SIL1: variants seen among roughly 807,000 people sequenced by gnomAD.
The protein encoded by SIL1 is SIL1 nucleotide exchange factor, also known as nucleotide exchange factor SIL1.
Under a neutral mutation model 49.1 loss-of-function variants are expected in SIL1, and 40 were observed. That is an observed-to-expected ratio of 0.81 (90% CI 0.63 to 1.06). SIL1 has a LOEUF of 1.06. SIL1 is among the 50% of genes least tolerant of loss of function. The pLI, the probability that SIL1 is intolerant of heterozygous loss-of-function variation, is 0.00. For synonymous variants in SIL1, 253 were observed against 250.8 expected (o/e 1.01, Z -0.08); for missense variants, 500 against 572.6 (o/e 0.87, Z 1.29).
At chr5:139,194,774 T>C (rs1752233914) in intron 1 of SIL1, among the ~76,000 whole-genome samples, 1 of 152,156 alleles carries the variant, frequency 6.6e-6, no homozygotes, top group African/African-American at 2.4e-5. Flanking sequence ...TACAAGAGAC[T>C]GGCAGACAGC....
chr5:139,118,786 C>T (rs553294787), intron 3 of SIL1, among the ~76,000 whole-genome samples: 2 of 152,326 alleles, frequency 1.3e-5, no homozygotes, highest in African/African-American at 4.8e-5. Context: ...GGTCAGTTTC[C>T]TAACAGTATA....
chr5:139,171,002 G>A (rs1475986687), intron 1 of SIL1, among the ~76,000 whole-genome samples: 9 of 145,310 alleles, frequency 6.2e-5, no homozygotes, highest in Admixed American at 2.0e-4. Flanking sequence ...GGTGAGGGGC[G>A]CCTCTGCCCA....
intron 1 of SIL1, among the ~76,000 whole-genome samples, chr5:139,143,060 G>A (rs1006730668): frequency 2.0e-5 from 3 of 151,454 alleles, no homozygotes; most frequent in East Asian, 1.9e-4. Flanking sequence ...GAGCCACCGC[G>A]CCCGGCCACC....
intron 3 of SIL1, among the ~76,000 whole-genome samples, chr5:139,086,810 AT>A (rs1169892283): frequency 2.0e-5 from 3 of 151,668 alleles, no homozygotes; most frequent in Non-Finnish European, 4.4e-5. Context: ...AAATACAAAA[AT>A]TAGCTGGGCC....
At chr5:139,095,654 A>G (rs1400129635) in intron 3 of SIL1, among the ~76,000 whole-genome samples, 1 of 152,138 alleles carries the variant, frequency 6.6e-6, no homozygotes, top group African/African-American at 2.4e-5. Context: ...AGTGCAAAAA[A>G]TACAAAATTA....
chr5:139,004,112 C>T (rs1164700814), intron 7 of SIL1, among the ~76,000 whole-genome samples: 1 of 152,188 alleles, frequency 6.6e-6, no homozygotes, highest in Non-Finnish European at 1.5e-5. Flanking sequence ...CCCTCTTTCC[C>T]CACTCCTGGT....
chr5:139,174,937 C>CAAAAAAAAAAAAAAAAAAA (rs56959325), intron 1 of SIL1, among the ~76,000 whole-genome samples: 116 of 59,778 alleles, frequency 1.9e-3, no homozygotes, highest in Middle Eastern at 0.012. Context: ...GACTGTGTCT[C>CAAAAAAAAAAAAAAAAAAA]AAAAAAAAAA....
chr5:139,160,771 G>A lies in SIL1; in HGVS notation c.-10-32918C>T, dbSNP rs373666742. 3.4e-4 allele frequency among the ~76,000 whole-genome samples: 51 copies of A among 152,008 alleles called. No individual in the cohort carries two copies. The East Asian group carries it at 7.2e-3, about 21-fold the overall frequency. On this transcript the variant is annotated intron_variant, in intron 1 of 9. Coordinates refer to ENST00000394817, the MANE Select transcript of SIL1 (RefSeq NM_022464.5). Reference sequence around the variant, plus strand: ...CTTGAACCTGGGAGGTGGAGGTTGCGGTGAGCCAAGATCATGCCACAGCAC... The same window carrying A: ...CTTGAACCTGGGAGGTGGAGGTTGCAGTGAGCCAAGATCATGCCACAGCAC...
chr5:139,146,573 A>G (rs139916759), intron 1 of SIL1, among the ~76,000 whole-genome samples: 294 of 152,266 alleles, frequency 1.9e-3, no homozygotes, highest in African/African-American at 6.9e-3. Context: ...ATGTTTAATA[A>G]AATAAAAATA....
At position 139,145,629 on chromosome 5, in the gene SIL1, C is replaced by CGTGTGT. The variant is rs57675583; in HGVS notation, c.-10-17782_-10-17777dup. Among the ~76,000 whole-genome samples the CGTGTGT allele has an allele frequency of 1.6e-4, 23 of 142,750 alleles. 1 individual carries two copies. Among genetic ancestry groups the CGTGTGT allele is most frequent in the South Asian group, 2.3e-4 (1 of 4,372 alleles). The allele number at this position is 142,750 out of a possible 152,430, so 93.6% of individuals were successfully genotyped here. A position where few individuals can be genotyped will look rare whatever the true frequency, so the allele number is the denominator to read the frequency against. ...TAAAATGTGGGTGTGGGTGTGGGGG[C>CGTGTGT]GTGTGTGTGTGTGTGTGTGTGTGTG... On this transcript the variant is annotated intron_variant, in intron 1 of 9. Transcript: ENST00000394817.
intron 1 of SIL1, among the ~76,000 whole-genome samples, chr5:139,181,334 C>T (rs1210730032): frequency 6.6e-6 from 1 of 152,142 alleles, no homozygotes; most frequent in Non-Finnish European, 1.5e-5. Context: ...TAATTGTTAA[C>T]ATGCTCCCCT....
chr5:139,032,170 G>C (rs985421989), intron 5 of SIL1, among the ~76,000 whole-genome samples: 1 of 152,196 alleles, frequency 6.6e-6, no homozygotes, highest in African/African-American at 2.4e-5. Context: ...CAGTGGCAAA[G>C]TATTCAGTCT....
At chr5:139,130,385 A>G (rs1471804548) in intron 1 of SIL1, among the ~76,000 whole-genome samples, 5 of 152,262 alleles carry the variant, frequency 3.3e-5, no homozygotes, top group Admixed American at 1.3e-4. Context: ...GGTTCTCAAC[A>G]TCATTAACCA....
At chr5:139,074,003 G>C (rs1342217919) in intron 3 of SIL1, among the ~76,000 whole-genome samples, 1 of 152,120 alleles carries the variant, frequency 6.6e-6, no homozygotes, top group Admixed American at 6.5e-5. Context: ...ACTATGTGAG[G>C]TAATGCATAT....
rs891600437 is a variant in SIL1, at chr5:139,055,153, C to G, written c.245-4107G>C. ...GCAAAGCCTACAGTGTCTGTTTTCC[C>G]ACCTCCAGCTCCTTCAGAGCTGATC... On this transcript the variant is annotated intron_variant, in intron 3 of 9. Transcript: ENST00000394817. Among the ~76,000 whole-genome samples the G allele has an allele frequency of 2.6e-5, 4 of 152,222 alleles. No homozygotes were observed. The South Asian group carries it at 8.3e-4, about 32-fold the overall frequency.
At chr5:139,108,259 C>G (rs1304199987) in intron 3 of SIL1, 1 of 152,196 alleles carries the variant, frequency 6.6e-6, no homozygotes, top group African/African-American at 2.4e-5. Flanking sequence ...AGACCTCACT[C>G]TGGACTGGTG....
At chr5:138,977,317 C>T (rs921899607) in intron 7 of SIL1, among the ~76,000 whole-genome samples, 2 of 152,014 alleles carry the variant, frequency 1.3e-5, no homozygotes, top group African/African-American at 2.4e-5. Flanking sequence ...ATCAGATCTA[C>T]CACCCAAAAT....
Position 139,024,664 on chromosome 5 carries a change from A to T in SIL1, c.645+2137T>A, listed in dbSNP as rs538868292. Among the ~76,000 whole-genome samples the T allele has an allele frequency of 3.9e-5, 6 of 152,298 alleles. No individual in the cohort carries two copies. In the South Asian group the frequency reaches 1.2e-3, roughly 32 times the overall value. Reference sequence around the variant, plus strand: ...TGGGCCACTGTTGCCCCTAGTCTGGATTACTGCAATAGCCTCCTATCTGGT... The same window carrying T: ...TGGGCCACTGTTGCCCCTAGTCTGGTTTACTGCAATAGCCTCCTATCTGGT... On this transcript the variant is annotated intron_variant, in intron 6 of 9. Transcript: ENST00000394817.
chr5:138,952,226 C>T (rs1027604161), intron 7 of SIL1, among the ~76,000 whole-genome samples: 5 of 152,244 alleles, frequency 3.3e-5, no homozygotes, highest in Non-Finnish European at 7.3e-5. Flanking sequence ...CGTAGGAAGC[C>T]TTTCTTGGCG....
Sources: allele counts gnomAD v4.1 joint callset (sites outside exome capture counted in the v4.1 genomes callset), GRCh38; gene constraint gnomAD v4.1.1; transcripts MANE v1.5; gene names NCBI Gene and HGNC (gene_info 2026-07-23, HGNC 2026-07-21).